Variants in GNA13 observed in about 807,000 individuals in gnomAD.
GNA13 encodes the protein guanine nucleotide-binding protein subunit alpha-13.
GNA13 carries 4 observed loss-of-function variants against 33.5 expected under a neutral mutation model. The ratio of observed to expected loss-of-function variants is 0.12; its 90% CI spans 0.06 to 0.27. The LOEUF (loss-of-function observed/expected upper bound fraction) is 0.27. Among genes scored for constraint, GNA13 ranks in the 10% least tolerant of loss-of-function variants. The pLI, the probability that GNA13 is intolerant of heterozygous loss-of-function variation, is 1.00. For missense variants in GNA13, 319 were observed against 487.2 expected, an observed-to-expected ratio of 0.65 and a Z score of 3.25; for synonymous variants, 176 against 183.8, an observed-to-expected ratio of 0.96 and a Z score of 0.34.
chr17:65,027,020 C>T (rs778042748), intron 2 of GNA13, among the ~76,000 whole-genome samples: 23 of 152,284 alleles, frequency 1.5e-4, no homozygotes, highest in Middle Eastern at 3.4e-3. Flanking sequence ...TCAGGTGATC[C>T]GCCCACCTTG....
chr17:65,034,911 G>A (rs1907188264), intron 2 of GNA13, among the ~76,000 whole-genome samples: 1 of 152,096 alleles, frequency 6.6e-6, no homozygotes, highest in Admixed American at 6.5e-5. Flanking sequence ...TCAGCCTCCT[G>A]AGCACCTGGG....
rs1906225070 is a variant in GNA13 at position 65,012,436 on chromosome 17, A to G, written c.*1821T>C. The stretch of plus-strand genomic sequence containing the variant: ...TTTGGCAAGAAGCACTAGATGTAGA[A>G]CTATTCAAACACGCATGAATGATAC... On this transcript the variant is annotated 3_prime_UTR_variant, in exon 4 of 4. Transcript: ENST00000439174. 1 of 221,676 alleles carries G rather than the reference A, an allele frequency of 4.5e-6. No individual in the cohort carries two copies. Among genetic ancestry groups the G allele is most frequent in the Non-Finnish European group, 9.0e-6 (1 of 110,922 alleles). 13.7% of individuals were successfully genotyped at this position (221,676 alleles called of 1,614,324 possible).
rs191241940 is a variant in GNA13, at chr17:65,030,615, C to T, written c.511-12312G>A. ...ATCACTGCTTAATCTTGTAAAATGT[C>T]CAGAATTTAATTGCAGGCCAATTAA... On this transcript the variant is annotated intron_variant, in intron 2 of 3. Coordinates refer to ENST00000439174, the MANE Select transcript of GNA13 (RefSeq NM_006572.6). 2.6e-3 allele frequency among the ~76,000 whole-genome samples: 399 copies of T among 152,162 alleles called. 1 individual carries two copies. The highest frequency in any genetic ancestry group is 9.2e-3 in the African/African-American group (382 of 41,512).
rs553420565 is a variant in GNA13 at position 65,045,956 on chromosome 17, T to C, written c.510+7546A>G. The stretch of plus-strand genomic sequence containing the variant: ...TTTGAGTGCTAGTAAAATGGTTTGG[T>C]GGCCAGAGCTGTGGACTAGGAGTCA... On this transcript the variant is annotated intron_variant, in intron 2 of 3. Transcript: ENST00000439174. Among the ~76,000 whole-genome samples, 8 of 152,268 alleles carry C rather than the reference T, an allele frequency of 5.3e-5. No homozygotes were observed. In the South Asian group the frequency reaches 1.5e-3, roughly 28 times the overall value.
intron 2 of GNA13, among the ~76,000 whole-genome samples, chr17:65,031,921 A>AGAGAGAGTGTGT (rs770161529): frequency 8.4e-4 from 77 of 91,532 alleles, no homozygotes; most frequent in Middle Eastern, 6.1e-3. Flanking sequence ...AGAGAGAGAG[A>AGAGAGAGTGTGT]GTGTGTGTGT....
At position 65,014,568 on chromosome 17, in the gene GNA13, T is replaced by C. The variant is rs778102560; in HGVS notation, c.823A>G (p.Ile275Val). ...LTESLNIFETIVNNRVFSNVS... is the reference protein window; with the variant it reads ...LTESLNIFETVVNNRVFSNVS... Reference sequence around the variant, plus strand: ...TTGCTGAAAACCCGGTTATTGACGATTGTTTCAAAAATGTTCAGAGACTCT... The same window carrying C: ...TTGCTGAAAACCCGGTTATTGACGACTGTTTCAAAAATGTTCAGAGACTCT... The change falls in exon 4 of 4, where the codon ATC becomes GTC. Residue 275 changes from isoleucine (I) to valine (V), a missense_variant. Physicochemically the swap from Ile to Val is conservative, Grantham distance 29. This residue lies in a region of GNA13 where 134 missense variants were observed against 241.3 expected (regional missense o/e 0.56). Transcript: ENST00000439174. This position sits in a 1 kb window ranked among gnomAD's most constrained non-coding sequence, Gnocchi z 5.3. 2.0e-5 allele frequency: 33 copies of C among 1,614,012 alleles called. No homozygotes were observed. Among genetic ancestry groups the C allele is most frequent in the Admixed American group, 6.7e-5 (4 of 60,000 alleles).
intron 2 of GNA13, among the ~76,000 whole-genome samples, chr17:65,031,896 A>AAGAGAGAGAGAGAG (rs1292025516): frequency 4.2e-5 from 3 of 71,334 alleles, no homozygotes; most frequent in African/African-American, 1.2e-4. Flanking sequence ...GAGAGAGAGA[A>AAGAGAGAGAGAGAG]AGAGAGAGAG....
intron 2 of GNA13, among the ~76,000 whole-genome samples, chr17:65,042,764 A>G (rs1907507642): frequency 6.6e-6 from 1 of 152,186 alleles, no homozygotes. Context: ...GTAACAAGGA[A>G]AACTTCAAAT....
intron 2 of GNA13, among the ~76,000 whole-genome samples, chr17:65,038,889 T>C (rs1480971100): frequency 6.6e-6 from 1 of 152,210 alleles, no homozygotes; most frequent in African/African-American, 2.4e-5. Flanking sequence ...GTTTACTGAA[T>C]ACCATACTGA....
chr17:65,032,763 T>C (rs1227447683), intron 2 of GNA13, among the ~76,000 whole-genome samples: 2 of 151,632 alleles, frequency 1.3e-5, no homozygotes, highest in African/African-American at 4.8e-5. Flanking sequence ...ATCTTTGATA[T>C]TGCCTTTTCT....
chr17:65,021,901 A>G (rs1470185501), intron 2 of GNA13, among the ~76,000 whole-genome samples: 5 of 152,232 alleles, frequency 3.3e-5, no homozygotes, highest in Non-Finnish European at 5.9e-5. Context: ...AAGATCTTTC[A>G]AATGATCCTC....
chr17:65,044,647 G>GA (rs780210327), intron 2 of GNA13, among the ~76,000 whole-genome samples: 90 of 135,536 alleles, frequency 6.6e-4, no homozygotes, highest in Middle Eastern at 3.6e-3. Flanking sequence ...TAAAAAAAAG[G>GA]AAAAAAAAAA....
chr17:65,040,793 T>C (rs80287660), intron 2 of GNA13, among the ~76,000 whole-genome samples: 3,019 of 152,214 alleles, frequency 0.02, 108 homozygotes, highest in African/African-American at 0.068. Flanking sequence ...GCCCAGCCAA[T>C]AATTTAGGTT....
intron 2 of GNA13, among the ~76,000 whole-genome samples, chr17:65,045,288 G>A (rs1011814908): frequency 2.6e-5 from 4 of 152,044 alleles, no homozygotes; most frequent in African/African-American, 9.7e-5. Context: ...GGGAGGCTAA[G>A]ACATGCAGAT....
In GNA13 at chr17:65,014,945, A is replaced by AT; in HGVS notation, c.562-117dup. 1 of 642,548 alleles carries AT rather than the reference A, an allele frequency of 1.6e-6. No individual in the cohort carries two copies. Among genetic ancestry groups the AT allele is most frequent in the South Asian group, 2.0e-5 (1 of 51,232 alleles). The allele number at this position is 642,548 out of a possible 1,614,324, so 39.8% of individuals were successfully genotyped here. The stretch of plus-strand genomic sequence containing the variant: ...CAAACAAAATGATCTTTTAAGTGAC[A>AT]TTTTCAGATAGATTATGCTTATTAT... On this transcript the variant is annotated intron_variant, in intron 3 of 3. Transcript: ENST00000439174. The surrounding 1 kb of genome is among the most constrained non-coding windows in gnomAD (Gnocchi z 5.3).
At chr17:65,042,899 T>C (rs1274130067) in intron 2 of GNA13, among the ~76,000 whole-genome samples, 1 of 152,140 alleles carries the variant, frequency 6.6e-6, no homozygotes, top group Non-Finnish European at 1.5e-5. Context: ...CAAATCAAAG[T>C]TTATACTGCT....
In GNA13 at chr17:65,010,899, C is replaced by A; in HGVS notation, c.*3358G>T. The A allele has an allele frequency of 4.9e-6, 1 of 204,412 alleles. No homozygotes were observed. The highest frequency in any genetic ancestry group is 1.0e-5 in the Non-Finnish European group (1 of 99,724). 12.7% of individuals were successfully genotyped at this position (204,412 alleles called of 1,614,324 possible). A position where few individuals can be genotyped will look rare whatever the true frequency, so the allele number is the denominator to read the frequency against. ...CAAATGGCTTAGTTTGGGGTTTTGT[C>A]TAAATGTATCATTATATAATGAAAG... On this transcript the variant is annotated 3_prime_UTR_variant, in exon 4 of 4. Transcript: ENST00000439174.
Position 65,033,500 on chromosome 17 carries a change from TA to T in GNA13, c.511-15198del, listed in dbSNP as rs963140259. On this transcript the variant is annotated intron_variant, in intron 2 of 3. Coordinates refer to ENST00000439174, the MANE Select transcript of GNA13 (RefSeq NM_006572.6). ...AGACCCTGCCTTTAAAAAAAATAAT[TA>T]AAAAAAAAAAATTAAAAAAATTACA... Among the ~76,000 whole-genome samples, 600 of 143,242 alleles carry T rather than the reference TA, an allele frequency of 4.2e-3. 4 individuals carry two copies. Among genetic ancestry groups the T allele is most frequent in the African/African-American group, 0.012 (453 of 39,014 alleles). The allele number at this position is 143,242 out of a possible 152,430, so 94.0% of individuals were successfully genotyped here.
chr17:65,033,877 G>C lies in GNA13; in HGVS notation c.511-15574C>G, dbSNP rs1907144703. Among the ~76,000 whole-genome samples the C allele has an allele frequency of 1.3e-5, 2 of 151,810 alleles. 1 individual carries two copies. Among genetic ancestry groups the C allele is most frequent in the South Asian group, 4.2e-4 (2 of 4,816 alleles). On this transcript the variant is annotated intron_variant, in intron 2 of 3. Coordinates refer to ENST00000439174, the MANE Select transcript of GNA13 (RefSeq NM_006572.6). ...AAAATACAAAAATTAGCTGGGTGTG[G>C]TAGTGGGCGCCTGTAGTCCCAGCTA...
Sources: gnomAD v4.1 joint callset for allele counts (sites outside exome capture counted in the v4.1 genomes callset) on GRCh38, gnomAD v4.1.1 for gene constraint, gnomAD v4.1.1 regional missense constraint, Gnocchi (gnomAD v3.1) non-coding constraint, MANE v1.5 for transcripts, NCBI Gene and HGNC (gene_info 2026-07-23, HGNC 2026-07-21) for gene names.